CHKB: variants seen among roughly 807,000 people sequenced by gnomAD.
CHKB encodes choline kinase beta.
CHKB carries 45 observed loss-of-function variants against 57.3 expected under a neutral mutation model. The observed-to-expected ratio is 0.79, with a 90% confidence interval of 0.62 to 1.01. CHKB has a LOEUF of 1.01. Ranked by LOEUF, CHKB falls within the 50% of genes least tolerant of loss-of-function variation. The pLI is 0.00. For missense variants in CHKB, 517 were observed against 502.8 expected, an observed-to-expected ratio of 1.03 and a Z score of -0.27; for synonymous variants, 224 against 201.8, an observed-to-expected ratio of 1.11 and a Z score of -0.93.
chr22:50,581,569 T>C lies in CHKB; in HGVS notation c.448-16A>G. 2 of 1,613,808 alleles carry C rather than the reference T, an allele frequency of 1.2e-6. No individual in the cohort carries two copies. Among genetic ancestry groups the C allele is most frequent in the Non-Finnish European group, 1.7e-6 (2 of 1,179,990 alleles). ...ATGGCCGACTCTGCACCCAGGAAGC[T>C]ATCAGGGTGGTGATGGGGCTGGGGC... On this transcript the variant is annotated splice_polypyrimidine_tract_variant and intron_variant, in intron 3 of 10. Coordinates refer to ENST00000406938, the MANE Select transcript of CHKB (RefSeq NM_005198.5).
Position 50,581,473 on chromosome 22 carries a change from G to A in CHKB, c.528C>T (p.Gly176=), listed in dbSNP as rs2070689562. The A allele has an allele frequency of 2.5e-6, 4 of 1,613,926 alleles. No homozygotes were observed. The South Asian group carries it at 4.4e-5, about 18-fold the overall frequency. The part of the protein sequence containing the change: ...AIATKMAQFH[G]MEMPFTKEPH... The stretch of plus-strand genomic sequence containing the variant: ...GCTCCTTGGTGAAAGGCATCTCCAT[G>A]CCATGAAATTGCGCCATCTTCGTGG... Residue 176 remains glycine, a synonymous_variant, in exon 4 of 11, where the codon GGC becomes GGT. Transcript: ENST00000406938.
Position 50,579,184 on chromosome 22 carries a change from G to C in CHKB, c.1185C>G (p.Ser395=), listed in dbSNP as rs1289126313. The C allele has an allele frequency of 1.2e-6, 2 of 1,613,362 alleles. No homozygotes were observed. Among genetic ancestry groups the C allele is most frequent in the Admixed American group, 1.7e-5 (1 of 59,964 alleles). Residue 395 remains serine, a synonymous_variant, in exon 11 of 11, where the codon TCC becomes TCG. Coordinates refer to ENST00000406938, the MANE Select transcript of CHKB (RefSeq NM_005198.5). ...KGQLTSVHSS[S] The stretch of plus-strand genomic sequence containing the variant: ...TCCAAGGAGTGGGAGGGTGGAGTCA[G>C]GATGAGGAGTGGACACTGGTCAGCT...
At chr22:50,580,782 T>C (rs1409796807) in intron 4 of CHKB, 122 bp from the exon 5 acceptor site, 4 of 880,796 alleles carry the variant, frequency 4.5e-6, no homozygotes, top group Non-Finnish European at 7.3e-6. Context: ...CCGGCAATCA[T>C]TTCTTTTTTT....
intron 2 of CHKB, 112 bp downstream of exon 2, chr22:50,582,137 T>TG (rs1341579007): frequency 9.8e-7 from 1 of 1,018,088 alleles, no homozygotes; most frequent in Non-Finnish European, 1.5e-6. Flanking sequence ...GAGGTGTTAC[T>TG]CAGACCGTGA....
intron 4 of CHKB, 151 bp downstream of exon 4, chr22:50,581,269 T>C (rs2070685208): frequency 9.8e-7 from 1 of 1,022,662 alleles, no homozygotes; most frequent in Non-Finnish European, 1.4e-6. Context: ...GCACTGCATG[T>C]GGCCTCTGGC....
rs779458495 is a variant in CHKB, at chr22:50,582,679, G to A, written c.103C>T (p.Arg35Trp). The change falls in exon 1 of 11, where the codon CGG becomes TGG. Residue 35 changes from arginine (R) to tryptophan (W), a missense_variant. By Grantham distance (101) the Arg-to-Trp change is moderately radical. Coordinates refer to ENST00000406938, the MANE Select transcript of CHKB (RefSeq NM_005198.5). The stretch of plus-strand genomic sequence containing the variant: ...CGCGACAGCGACGAGGCGCGCCGCC[G>A]TTTTGGGGTAGTGTCCGGGCACTTA... Reference protein sequence around the residue: ...QSKCPDTTPKRRRASSLSRDA... With the variant: ...QSKCPDTTPKWRRASSLSRDA... 9.3e-6 allele frequency: 15 copies of A among 1,610,654 alleles called. No individual in the cohort carries two copies. The South Asian group carries it at 9.9e-5, about 11-fold the overall frequency.
chr22:50,582,564 G>A lies in CHKB; in HGVS notation c.218C>T (p.Pro73Leu), dbSNP rs754605636. 1.2e-6 allele frequency: 2 copies of A among 1,608,798 alleles called. No homozygotes were observed. Among genetic ancestry groups the A allele is most frequent in the East Asian group, 2.2e-5 (1 of 44,690 alleles). ...CTGACCCCTGACCTCCCACCTCACG[G>A]GGTAAACCCTCAGCTCCTCGGGCTG... ...RVQPEELRVY[P>L]VSGGLSNLLF... is the part of the protein sequence containing the mutation. The change falls in exon 1 of 11, where the codon CCC (proline) becomes CTC (leucine). Residue 73 changes from proline to leucine, a missense_variant. Physicochemically the swap from Pro to Leu is moderately conservative, Grantham distance 98. Coordinates refer to ENST00000406938, the MANE Select transcript of CHKB (RefSeq NM_005198.5).
At position 50,580,266 on chromosome 22, in the gene CHKB, T is replaced by C; in HGVS notation, c.742A>G (p.Ile248Val). 6.2e-7 allele frequency: 1 copy of C among 1,614,010 alleles called. No homozygotes were observed. Among genetic ancestry groups the C allele is most frequent in the South Asian group, 1.1e-5 (1 of 91,082 alleles). ...TTTTCTGGCTCTGAGAGCAGCAAGA[T>C]GTTCCCTGGGGGAATGGGGTGAGGT... ...FCHNDIQEGN[I>V]LLLSEPENAD... The change falls in exon 7 of 11, where the codon ATC becomes GTC. Residue 248 changes from isoleucine (I) to valine (V), a missense_variant. Physicochemically the swap from Ile to Val is conservative, Grantham distance 29 (BLOSUM62 3). Transcript: ENST00000406938.
At chr22:50,579,912 A>T in intron 8 of CHKB, 62 bp downstream of exon 8, 1 of 1,597,164 alleles carries the variant, frequency 6.3e-7, no homozygotes, top group Non-Finnish European at 8.6e-7. Context: ...CATTCCTTCC[A>T]GACTCCACCT....
Position 50,580,198 on chromosome 22 carries a change from A to T in CHKB, c.810T>A (p.Tyr270Ter), listed in dbSNP as rs750764003. ...CATCTTTCCAGCCTCACCTATAGTT[A>T]TAACTGCTGTACTCGAAGTCCACCA... ...LMLVDFEYSSYNYRGFDIGNH... is the reference protein window; with the variant it reads ...LMLVDFEYSS The change falls in exon 7 of 11, where the codon TAT becomes TAA. Residue 270 changes from tyrosine to a stop codon, truncating the protein, a stop_gained. Transcript: ENST00000406938. LOFTEE classifies it high-confidence loss of function. 2.0e-5 allele frequency: 33 copies of T among 1,613,748 alleles called. No individual in the cohort carries two copies. The highest frequency in any genetic ancestry group is 2.7e-5 in the African/African-American group (2 of 74,924).
chr22:50,579,370 G>A lies in CHKB; in HGVS notation c.1113+56C>T, dbSNP rs1048320882. The stretch of plus-strand genomic sequence containing the variant: ...CTCCCCAGGCCTCCTGGAAGAGTGT[G>A]GCTGCTGCTGCTCCCCAGCCCCCCA... On this transcript the variant is annotated intron_variant, in intron 10 of 10. Coordinates refer to ENST00000406938, the MANE Select transcript of CHKB (RefSeq NM_005198.5). The A allele has an allele frequency of 3.8e-6, 6 of 1,587,586 alleles. No individual in the cohort carries two copies. In the African/African-American group the frequency reaches 5.4e-5, roughly 14 times the overall value.
intron 9 of CHKB, 39 bp from the exon 10 acceptor site, chr22:50,579,546 A>C: frequency 6.2e-7 from 1 of 1,606,164 alleles, no homozygotes; most frequent in Non-Finnish European, 8.5e-7. Context: ...ATTCAAGAGC[A>C]TGTCTAGCAC....
At chr22:50,579,555 ACTGCTTGGATC>A (rs1294650710) in intron 9 of CHKB, 48 bp from the exon 10 acceptor site, 20 of 1,599,560 alleles carry the variant, frequency 1.3e-5, no homozygotes, top group Non-Finnish European at 1.7e-5. Context: ...CATGTCTAGC[ACTGCTTGGATC>A]CCCTCACCCA....
Position 50,581,755 on chromosome 22 carries a change from G to C in CHKB, c.441C>G (p.Tyr147Ter). ...GGTAGGACTGGGCCCGTACTGGGAT[G>C]TACTGTTCCAGCCGGCCCTCTGGGA... ...GVFPEGRLEQ[Y>*]IPSRPLKTQE... The change falls in exon 3 of 11, where the codon TAC becomes TAG. Residue 147 changes from tyrosine to a stop codon, truncating the protein, a stop_gained. Coordinates refer to ENST00000406938, the MANE Select transcript of CHKB (RefSeq NM_005198.5). LOFTEE classifies it high-confidence loss of function. 1 of 1,613,622 alleles carries C rather than the reference G, an allele frequency of 6.2e-7. No homozygotes were observed. The highest frequency in any genetic ancestry group is 8.5e-7 in the Non-Finnish European group (1 of 1,179,746).
intron 4 of CHKB, among the ~76,000 whole-genome samples, chr22:50,581,159 G>C (rs560165124): frequency 6.6e-6 from 1 of 152,232 alleles, no homozygotes; most frequent in East Asian, 1.9e-4. Flanking sequence ...GAAGTGCAAT[G>C]GCATGAGCTC....
Position 50,582,539 on chromosome 22 carries a change from C to A in CHKB, c.224+19G>T, listed in dbSNP as rs1157894542. The stretch of plus-strand genomic sequence containing the variant: ...GACCCCGATCCGCGCACCGGAGAGG[C>A]TGACCCCTGACCTCCCACCTCACGG... On this transcript the variant is annotated intron_variant, in intron 1 of 10. Coordinates refer to ENST00000406938, the MANE Select transcript of CHKB (RefSeq NM_005198.5). 7 of 1,598,478 alleles carry A rather than the reference C, an allele frequency of 4.4e-6. No individual in the cohort carries two copies. The South Asian group carries it at 7.8e-5, about 18-fold the overall frequency.
Position 50,579,740 on chromosome 22 carries a change from C to G in CHKB, c.1018G>C (p.Val340Leu), listed in dbSNP as rs756893592. ...CTCCTTCCTCACCGACTGACTTCTA[C>G]CAGCAAATCTTCTTCCAGTTTTCTC... ...EQRKLEEDLL[V>L]EVSRYALASH... Residue 340 changes from valine (V) to leucine (L), a missense_variant, in exon 9 of 11, where the codon GTA (valine) becomes CTA (leucine). Physicochemically the swap from Val to Leu is conservative, Grantham distance 32. Coordinates refer to ENST00000406938, the MANE Select transcript of CHKB (RefSeq NM_005198.5). 1.7e-5 allele frequency: 27 copies of G among 1,613,542 alleles called. No homozygotes were observed. Among genetic ancestry groups the G allele is most frequent in the Non-Finnish European group, 2.3e-5 (27 of 1,179,644 alleles).
chr22:50,580,773 C>G lies in CHKB; in HGVS notation c.582-113G>C, dbSNP rs114349343. On this transcript the variant is annotated intron_variant, in intron 4 of 10. Coordinates refer to ENST00000406938, the MANE Select transcript of CHKB (RefSeq NM_005198.5). The stretch of plus-strand genomic sequence containing the variant: ...TGCTCCTATCACTGTGTGACTTGTC[C>G]GGCAATCATTTCTTTTTTTCTTTTG... 5,072 of 925,144 alleles carry G rather than the reference C, an allele frequency of 5.5e-3. 140 individuals carry two copies. In the African/African-American group the frequency reaches 0.069, roughly 13 times the overall value. 57.3% of individuals were successfully genotyped at this position (925,144 alleles called of 1,614,324 possible). A position where few individuals can be genotyped will look rare whatever the true frequency, so the allele number is the denominator to read the frequency against.
At chr22:50,582,120 G>C (rs754698154) in intron 2 of CHKB, 129 bp downstream of exon 2, 6 of 893,654 alleles carry the variant, frequency 6.7e-6, no homozygotes, top group Non-Finnish European at 9.0e-6. Context: ...CCAGGCTTCG[G>C]TGTAATGAGG....
Sources: gnomAD v4.1 joint callset for allele counts (sites outside exome capture counted in the v4.1 genomes callset) on GRCh38, gnomAD v4.1.1 for gene constraint, MANE v1.5 for transcripts, NCBI Gene and HGNC (gene_info 2026-07-23, HGNC 2026-07-21) for gene names.